Variants in SUN1 observed in about 807,000 individuals in gnomAD.
SUN1 encodes the protein Sad1 and UNC84 domain containing 1.
SUN1 carries 61 observed loss-of-function variants against 103.2 expected under a neutral mutation model. That is an observed-to-expected ratio of 0.59 (90% confidence interval 0.48 to 0.73). SUN1 has a LOEUF of 0.73. Among genes scored for constraint, SUN1 ranks in the 30% least tolerant of loss-of-function variants. The pLI, the probability that SUN1 is intolerant of heterozygous loss-of-function variation, is 0.00. For missense variants in SUN1, 1,052 were observed against 1,034.6 expected (o/e 1.02, Z -0.23); for synonymous variants, 490 against 425.7 (o/e 1.15, Z -1.86).
At chr7:861,664 C>T (rs1296563212) in intron 15 of SUN1, among the ~76,000 whole-genome samples, 200 bp downstream of exon 15, 1 of 152,174 alleles carries the variant, frequency 6.6e-6, no homozygotes, top group African/African-American at 2.4e-5. Context: ...ACAAGTTCTC[C>T]CCTGGAAGGG....
At chr7:823,680 G>T (rs1583855514) in intron 1 of SUN1, among the ~76,000 whole-genome samples, 3 of 152,172 alleles carry the variant, frequency 2.0e-5, no homozygotes, top group East Asian at 3.9e-4. Flanking sequence ...CTGTAGATGG[G>T]TCATTCAGGT....
chr7:828,852 G>C (rs144507077), upstream of SUN1, among the ~76,000 whole-genome samples: 1,645 of 152,304 alleles, frequency 0.011, 23 homozygotes, highest in Middle Eastern at 0.027. Context: ...AGTCCCCTCT[G>C]TGCACACCTG....
At chr7:852,781 G>A (rs764975470) in intron 8 of SUN1, 29 bp from the exon 9 acceptor site, 2 of 1,606,972 alleles carry the variant, frequency 1.2e-6, no homozygotes, top group Middle Eastern at 1.7e-4. Context: ...TGGTGTACCT[G>A]TGTGTGTGTG....
At chr7:840,413 G>A (rs958578735) in intron 2 of SUN1, among the ~76,000 whole-genome samples, 1 of 152,298 alleles carries the variant, frequency 6.6e-6, no homozygotes, top group South Asian at 2.1e-4. Context: ...GTACTGCCAC[G>A]CCGCGCTCTG....
intron 1 of SUN1, among the ~76,000 whole-genome samples, chr7:825,631 CTCAG>C (rs1273729013): frequency 6.6e-6 from 1 of 152,150 alleles, no homozygotes; most frequent in South Asian, 2.1e-4. Context: ...TTTAAGGATT[CTCAG>C]TCAGGGTAAA....
At chr7:854,099 C>A (rs999101681) in intron 10 of SUN1, among the ~76,000 whole-genome samples, 1 of 152,202 alleles carries the variant, frequency 6.6e-6, no homozygotes, top group Non-Finnish European at 1.5e-5. Context: ...TCAGAGGATG[C>A]CTTCTCTTGT....
rs1811934380 is a variant in SUN1 at position 843,241 on chromosome 7, T to C, written c.478+9T>C. On this transcript the variant is annotated intron_variant, in intron 4 of 18. Transcript: ENST00000401592. ...TGATGGTGATCTTAAAGGTAATTAT[T>C]TTAGTCCTTTTATCTTCATATACTT... The C allele has an allele frequency of 6.2e-7, 1 of 1,609,684 alleles. No individual in the cohort carries two copies. Among genetic ancestry groups the C allele is most frequent in the Non-Finnish European group, 8.5e-7 (1 of 1,179,570 alleles).
At chr7:842,943 C>T (rs553531601) in intron 3 of SUN1, 2 of 593,394 alleles carry the variant, frequency 3.4e-6, no homozygotes, top group African/African-American at 1.9e-5. Flanking sequence ...CTCTCCTTCC[C>T]TCATGTTCTG....
At chr7:849,642 G>C in intron 5 of SUN1, 1 of 1,539,518 alleles carries the variant, frequency 6.5e-7, no homozygotes, top group Non-Finnish European at 8.8e-7. Context: ...GTCGGTCGTG[G>C]AGTTGGTCCC....
intron 17 of SUN1, 85 bp downstream of exon 17, chr7:869,601 G>T (rs117140218): frequency 1.6e-5 from 24 of 1,503,774 alleles, no homozygotes; most frequent in Non-Finnish European, 2.1e-5. Flanking sequence ...GCGCACTGGG[G>T]ACGGCTGCCT....
chr7:839,124 A>T, intron 2 of SUN1, 138 bp downstream of exon 2: 4 of 816,222 alleles, frequency 4.9e-6, no homozygotes, highest in Non-Finnish European at 7.0e-6. Flanking sequence ...CAGACACACA[A>T]ACCTGTCATA....
At chr7:836,055 C>T (rs973335429) in intron 1 of SUN1, among the ~76,000 whole-genome samples, 3 of 152,228 alleles carry the variant, frequency 2.0e-5, no homozygotes, top group African/African-American at 7.2e-5. Flanking sequence ...CTCCACGGGG[C>T]AAGGAGCGAG....
chr7:860,626 T>C (rs954814533), intron 14 of SUN1, among the ~76,000 whole-genome samples: 10 of 152,248 alleles, frequency 6.6e-5, no homozygotes, highest in African/African-American at 2.4e-4. Context: ...GAGTTCTTTA[T>C]ACTTTGTGAA....
intron 1 of SUN1, among the ~76,000 whole-genome samples, chr7:820,481 C>G (rs1380746028): frequency 6.6e-6 from 1 of 152,034 alleles, no homozygotes; most frequent in Non-Finnish European, 1.5e-5. Flanking sequence ...TTTGTTGATT[C>G]ATTAGGATTT....
chr7:815,602 A>C (rs1255649560), upstream of SUN1, among the ~76,000 whole-genome samples: 1 of 152,276 alleles, frequency 6.6e-6, no homozygotes, highest in African/African-American at 2.4e-5. Context: ...AGAGCAAAAA[A>C]GGTGAACATG....
chr7:865,979 C>T lies in SUN1; in HGVS notation c.1892C>T (p.Ser631Phe), dbSNP rs1218405293. 4 of 1,614,004 alleles carry T rather than the reference C, an allele frequency of 2.5e-6. No individual in the cohort carries two copies. Among genetic ancestry groups the T allele is most frequent in the African/African-American group, 1.3e-5 (1 of 74,926 alleles). ...GGGSILSTRCSETYETKTALM... is the reference protein window; with the variant it reads ...GGGSILSTRCFETYETKTALM... ...GGCAGCATCTTGAGTACTCGCTGTT[C>T]TGAAACTTACGAAACCAAAACGGCG... The change falls in exon 16 of 19, where the codon TCT (serine) becomes TTT (phenylalanine). Residue 631 changes from serine (S) to phenylalanine (F), a missense_variant. By Grantham distance (155) the Ser-to-Phe change is radical. Transcript: ENST00000401592.
chr7:842,328 C>G (rs975543676), intron 3 of SUN1, among the ~76,000 whole-genome samples, 198 bp downstream of exon 3: 1 of 152,180 alleles, frequency 6.6e-6, no homozygotes, highest in African/African-American at 2.4e-5. Flanking sequence ...TGTCCTCAGA[C>G]TTGATCAGGA....
At chr7:821,002 GTCAGTTTTTAT>G (rs905319599) in intron 1 of SUN1, among the ~76,000 whole-genome samples, 8 of 151,960 alleles carry the variant, frequency 5.3e-5, no homozygotes, top group African/African-American at 1.9e-4. Context: ...TCTGGCCTAA[GTCAGTTTTTAT>G]TCATCTATCT....
chr7:859,942 T>G (rs1339718450), intron 13 of SUN1, among the ~76,000 whole-genome samples, 186 bp from the exon 14 acceptor site: 1 of 152,206 alleles, frequency 6.6e-6, no homozygotes, highest in Non-Finnish European at 1.5e-5. Flanking sequence ...ATTTCTGTTC[T>G]TTTTAACATG....
Sources: gnomAD v4.1 joint callset for allele counts (sites outside exome capture counted in the v4.1 genomes callset) on GRCh38, gnomAD v4.1.1 for gene constraint, MANE v1.5 for transcripts, NCBI Gene and HGNC (gene_info 2026-07-23, HGNC 2026-07-21) for gene names.